Variants in C12orf50 observed in about 807,000 individuals in gnomAD.
The protein encoded by C12orf50 is uncharacterized protein C12orf50.
In C12orf50, 35 loss-of-function variants were observed where a neutral mutation model predicts 61.6. The ratio of observed to expected loss-of-function variants is 0.57; its 90% CI spans 0.43 to 0.75. C12orf50 has a LOEUF of 0.75. Among genes scored for constraint, C12orf50 ranks in the 30% least tolerant of loss-of-function variants. C12orf50 has a pLI of 0.00. For synonymous variants in C12orf50, 178 were observed against 161.5 expected, an observed-to-expected ratio of 1.10 and a Z score of -0.77; for missense variants, 475 against 488.5, an observed-to-expected ratio of 0.97 and a Z score of 0.26.
At chr12:87,990,051 G>A (rs546317789) in intron 7 of C12orf50, among the ~76,000 whole-genome samples, 15 of 152,068 alleles carry the variant, frequency 9.9e-5, no homozygotes, top group Middle Eastern at 3.4e-3. Context: ...GAAAACACAC[G>A]CCTAAATTGT....
At chr12:87,984,137 C>T (rs1485802750) in intron 11 of C12orf50, 1 of 151,752 alleles carries the variant, frequency 6.6e-6, no homozygotes, top group Non-Finnish European at 1.5e-5. Context: ...TCTCTGATGG[C>T]CAGTGATGAT....
chr12:87,995,919 G>C (rs1011466045), intron 6 of C12orf50, among the ~76,000 whole-genome samples: 4 of 152,162 alleles, frequency 2.6e-5, no homozygotes, highest in African/African-American at 9.6e-5. Flanking sequence ...TTGTTCTCCA[G>C]CATGGCCTCT....
chr12:88,014,293 T>TTTTA (rs61418140), intron 3 of C12orf50, among the ~76,000 whole-genome samples: 38,576 of 151,102 alleles, frequency 0.26, 9,869 homozygotes, highest in African/African-American at 0.67. Context: ...TTTTTTTAAT[T>TTTTA]TTTATTTATT....
intron 3 of C12orf50, among the ~76,000 whole-genome samples, chr12:88,020,865 G>A (rs2032491999): frequency 6.7e-6 from 1 of 150,112 alleles, no homozygotes; most frequent in African/African-American, 2.4e-5. Flanking sequence ...AATAAATATA[G>A]GAATCAATAC....
intron 2 of C12orf50, 78 bp downstream of exon 2, chr12:88,026,873 T>A (rs2136508172): frequency 6.5e-7 from 1 of 1,534,558 alleles, no homozygotes; most frequent in Middle Eastern, 1.7e-4. Flanking sequence ...TTCTTCCATA[T>A]TGTTTTGAAA....
In C12orf50 at chr12:87,985,939, G is replaced by T. The variant is rs769559699; in HGVS notation, c.1037C>A (p.Ala346Glu). 1 of 1,613,862 alleles carries T rather than the reference G, an allele frequency of 6.2e-7. No individual in the cohort carries two copies. The highest frequency in any genetic ancestry group is 1.7e-5 in the Admixed American group (1 of 59,986). The change falls in exon 11 of 13, where the codon GCG becomes GAG. Residue 346 changes from alanine (A) to glutamate (E), a missense_variant. Physicochemically the swap from Ala to Glu is moderately radical, Grantham distance 107. Transcript: ENST00000298699. ...CCTGCTGCGGGAAGGTGCATTCAACGCGACAGTCCTGACAGCATCTCTTTG... is the reference window on the plus strand; with the variant it reads ...CCTGCTGCGGGAAGGTGCATTCAACTCGACAGTCCTGACAGCATCTCTTTG... ...HVQRDAVRTVALNAPSRSRPT... is the reference protein window; with the variant it reads ...HVQRDAVRTVELNAPSRSRPT...
intron 3 of C12orf50, among the ~76,000 whole-genome samples, chr12:87,999,936 T>C (rs1220020006): frequency 6.6e-6 from 1 of 151,520 alleles, no homozygotes; most frequent in African/African-American, 2.4e-5. Context: ...AAAAATAATA[T>C]ATTATATGAT....
chr12:88,005,010 C>T (rs1024687503), intron 3 of C12orf50, among the ~76,000 whole-genome samples: 2 of 152,038 alleles, frequency 1.3e-5, no homozygotes, highest in African/African-American at 4.8e-5. Flanking sequence ...AACCAACTTG[C>T]ACAAACAAAC....
intron 3 of C12orf50, among the ~76,000 whole-genome samples, chr12:87,999,478 C>T (rs997915879): frequency 3.3e-5 from 5 of 152,082 alleles, no homozygotes; most frequent in African/African-American, 9.6e-5. Context: ...CATACTACAA[C>T]GATTACAATG....
intron 3 of C12orf50, among the ~76,000 whole-genome samples, chr12:88,014,741 C>T (rs1296190110): frequency 3.3e-5 from 5 of 152,166 alleles, no homozygotes; most frequent in African/African-American, 4.8e-5. Flanking sequence ...TGTATCTATT[C>T]GGCCAGTTTT....
chr12:88,026,819 A>C (rs938832666), intron 2 of C12orf50, 132 bp downstream of exon 2: 1 of 1,426,968 alleles, frequency 7.0e-7, no homozygotes, highest in East Asian at 2.3e-5. Context: ...TAAGTTGAAA[A>C]AATTGCAAAA....
At chr12:87,990,648 G>A (rs558027046) in intron 7 of C12orf50, among the ~76,000 whole-genome samples, 5 of 152,038 alleles carry the variant, frequency 3.3e-5, no homozygotes, top group African/African-American at 1.2e-4. Context: ...AAGGAGTTAC[G>A]CTCCACACTT....
At chr12:87,986,262 ATC>A (rs1424227772) in intron 10 of C12orf50, 48 bp downstream of exon 10, 1 of 1,367,594 alleles carries the variant, frequency 7.3e-7, no homozygotes, top group Admixed American at 2.2e-5. Context: ...TTGATATTTA[ATC>A]TCTTTTAAAA....
At chr12:88,015,652 C>A (rs2032285002) in intron 3 of C12orf50, among the ~76,000 whole-genome samples, 1 of 152,086 alleles carries the variant, frequency 6.6e-6, no homozygotes, top group African/African-American at 2.4e-5. Context: ...AAGTGCCTAC[C>A]AGGCTTGCAA....
At chr12:88,021,522 C>T (rs1419562650) in intron 3 of C12orf50, among the ~76,000 whole-genome samples, 1 of 152,006 alleles carries the variant, frequency 6.6e-6, no homozygotes, top group Non-Finnish European at 1.5e-5. Flanking sequence ...CCTGTTATCC[C>T]AGCTACTTGG....
At chr12:88,003,063 T>C (rs930218844) in intron 3 of C12orf50, among the ~76,000 whole-genome samples, 8 of 151,854 alleles carry the variant, frequency 5.3e-5, no homozygotes. Context: ...GATAATTGTA[T>C]GTTTCTTAAA....
chr12:87,994,001 G>A (rs910528041), intron 7 of C12orf50, among the ~76,000 whole-genome samples: 7 of 151,866 alleles, frequency 4.6e-5, no homozygotes, highest in Non-Finnish European at 1.0e-4. Flanking sequence ...GGAGTTTGAG[G>A]CCAGCCTGAC....
At chr12:88,002,447 G>A (rs2031690794) in intron 3 of C12orf50, among the ~76,000 whole-genome samples, 1 of 151,748 alleles carries the variant, frequency 6.6e-6, no homozygotes, top group African/African-American at 2.4e-5. Context: ...AGAAAAATGT[G>A]TATTTTACAA....
rs1347827410 is a variant in C12orf50 at position 87,998,072 on chromosome 12, A to C, written c.252T>G (p.Thr84=). Residue 84 remains threonine, a synonymous_variant, in exon 4 of 13, where the codon ACT becomes ACG. Transcript: ENST00000298699. ...RPIHHPLVLK[T]NFEEEEEVDE... is the part of the protein sequence containing the mutation. ...CTACTTCCTCTTCTTCCTCAAAATT[A>C]GTTTTTAAAACTAAAGGATGGTGGA... 2 of 1,612,020 alleles carry C rather than the reference A, an allele frequency of 1.2e-6. No homozygotes were observed. Among genetic ancestry groups the C allele is most frequent in the South Asian group, 2.2e-5 (2 of 90,708 alleles).
Sources: gnomAD v4.1 joint callset for allele counts (sites outside exome capture counted in the v4.1 genomes callset) on GRCh38, gnomAD v4.1.1 for gene constraint, MANE v1.5 for transcripts, NCBI Gene and HGNC (gene_info 2026-07-23, HGNC 2026-07-21) for gene names.